IRF2: variants seen among roughly 807,000 people sequenced by gnomAD.
IRF2 encodes the protein interferon regulatory factor 2.
Under a neutral mutation model 40.6 loss-of-function variants are expected in IRF2, and 15 were observed. That is an observed-to-expected ratio of 0.37 (90% confidence interval 0.25 to 0.57). The LOEUF (loss-of-function observed/expected upper bound fraction) is 0.57. Ranked by LOEUF, IRF2 falls within the 20% of genes least tolerant of loss-of-function variation. The pLI, the probability that IRF2 is intolerant of heterozygous loss-of-function variation, is 0.77. For missense variants in IRF2, 317 were observed against 455.7 expected, an observed-to-expected ratio of 0.70 and a Z score of 2.77; for synonymous variants, 151 against 165.5, an observed-to-expected ratio of 0.91 and a Z score of 0.67.
At chr4:184,397,531 G>GAAA (rs555947750) in intron 7 of IRF2, among the ~76,000 whole-genome samples, 2 of 147,074 alleles carry the variant, frequency 1.4e-5, no homozygotes, top group Non-Finnish European at 1.5e-5. Context: ...TTTTAAAAGT[G>GAAA]AAAAAAAAAA....
rs914206026 is a variant in IRF2, at chr4:184,408,904, A to G, written c.412-629T>C. Among the ~76,000 whole-genome samples, 4 of 152,232 alleles carry G rather than the reference A, an allele frequency of 2.6e-5. No homozygotes were observed. The highest frequency in any genetic ancestry group is 7.2e-5 in the African/African-American group (3 of 41,452). On this transcript the variant is annotated intron_variant, in intron 5 of 8. Transcript: ENST00000393593. The surrounding 1 kb of genome is among the most constrained non-coding windows in gnomAD (Gnocchi z 4.9). ...ACATAAATGCCCTTCAGGTGGCTGA[A>G]TATCTCATCCAGCCCAAGAATTCTG...
At chr4:184,472,566 G>C (rs561011156) in intron 1 of IRF2, 1 of 152,264 alleles carries the variant, frequency 6.6e-6, no homozygotes, top group Non-Finnish European at 1.5e-5. Context: ...GCCATAAGGA[G>C]GCCGGTGGCT....
intron 1 of IRF2, chr4:184,431,891 C>G (rs1260219620): frequency 6.6e-6 from 1 of 151,164 alleles, no homozygotes; most frequent in East Asian, 1.9e-4. Context: ...ATGGTCACAT[C>G]TGAAATAGTT....
intron 8 of IRF2, 91 bp from the exon 9 acceptor site, chr4:184,389,157 T>G (rs1736160681): frequency 3.9e-6 from 5 of 1,285,886 alleles, no homozygotes; most frequent in Non-Finnish European, 2.2e-6. Context: ...TGGTGGCTCA[T>G]GCCTGTAATC....
Position 184,388,698 on chromosome 4 carries a change from A to G in IRF2, c.*60T>C. 1 of 1,524,574 alleles carries G rather than the reference A, an allele frequency of 6.6e-7. No individual in the cohort carries two copies. Among genetic ancestry groups the G allele is most frequent in the Non-Finnish European group, 8.9e-7 (1 of 1,127,268 alleles). The allele number at this position is 1,524,574 out of a possible 1,614,324, so 94.4% of individuals were successfully genotyped here. A position where few individuals can be genotyped will look rare whatever the true frequency, so the allele number is the denominator to read the frequency against. On this transcript the variant is annotated 3_prime_UTR_variant, in exon 9 of 9. Coordinates refer to ENST00000393593, the MANE Select transcript of IRF2 (RefSeq NM_002199.4). This position sits in a 1 kb window ranked among gnomAD's most constrained non-coding sequence, Gnocchi z 4.6. ...GGTGTCAGAGAGAAAAAAATAAAAT[A>G]CAAACAAACAACAAAACAAAGCCAA... is the stretch of plus-strand genomic sequence containing the variant.
chr4:184,402,689 G>A (rs747823698), intron 6 of IRF2, among the ~76,000 whole-genome samples: 26 of 152,174 alleles, frequency 1.7e-4, no homozygotes, highest in Non-Finnish European at 3.4e-4. Context: ...AATACGGGAC[G>A]TGACAATTAA....
intron 1 of IRF2, among the ~76,000 whole-genome samples, chr4:184,437,680 C>A (rs1019533064): frequency 1.3e-5 from 2 of 152,168 alleles, no homozygotes; most frequent in African/African-American, 4.8e-5. Flanking sequence ...CTTGTTTACG[C>A]AGGCTGCTAT....
At chr4:184,414,216 T>C (rs1737180491) in intron 5 of IRF2, among the ~76,000 whole-genome samples, 1 of 152,260 alleles carries the variant, frequency 6.6e-6, no homozygotes. Context: ...CCCCTCTGTT[T>C]TAACTACTTC....
intron 1 of IRF2, chr4:184,472,074 G>T (rs1472035792): frequency 6.6e-6 from 1 of 152,154 alleles, no homozygotes; most frequent in Non-Finnish European, 1.5e-5. Context: ...GTGAAATTCC[G>T]GACTTTGACA....
chr4:184,438,677 G>A (rs192527251), intron 1 of IRF2, among the ~76,000 whole-genome samples: 8 of 152,266 alleles, frequency 5.3e-5, no homozygotes, highest in East Asian at 1.9e-4. Flanking sequence ...GATCACAGGC[G>A]TGAGCCCCGC....
rs532657021 is a variant in IRF2 at position 184,415,084 on chromosome 4, G to C, written c.411+3083C>G. On this transcript the variant is annotated intron_variant, in intron 5 of 8. Transcript: ENST00000393593. The stretch of plus-strand genomic sequence containing the variant: ...TTCAAACACTCTACAGAGACACTGA[G>C]TCCACACAATAGCTTGAACAGCCAG... Among the ~76,000 whole-genome samples the C allele has an allele frequency of 3.7e-4, 56 of 152,280 alleles. No homozygotes were observed. The South Asian group carries it at 5.0e-3, about 14-fold the overall frequency.
intron 1 of IRF2, among the ~76,000 whole-genome samples, chr4:184,457,352 T>C (rs943473974): frequency 6.6e-6 from 1 of 152,152 alleles, no homozygotes; most frequent in Admixed American, 6.5e-5. Context: ...AGCCCTTCTG[T>C]GGCCCGGCGT....
At chr4:184,421,864 T>C (rs1204819146) in intron 2 of IRF2, among the ~76,000 whole-genome samples, 1 of 152,126 alleles carries the variant, frequency 6.6e-6, no homozygotes, top group Middle Eastern at 3.2e-3. Context: ...TAGACTGGAA[T>C]AGTTCAGGTG....
In IRF2 at chr4:184,413,332, G is replaced by A. The variant is rs62337749; in HGVS notation, c.411+4835C>T. ...TCTTCCAACTGGGTTCGGAGCTCCC[G>A]TTCTGAGCTACCACATGGGAAGGGA... On this transcript the variant is annotated intron_variant, in intron 5 of 8. Transcript: ENST00000393593. This position sits in a 1 kb window ranked among gnomAD's most constrained non-coding sequence, Gnocchi z 4.2. Among the ~76,000 whole-genome samples the A allele has an allele frequency of 0.1, 15,426 of 152,228 alleles. 966 individuals carry two copies. The highest frequency in any genetic ancestry group is 0.14 in the South Asian group (699 of 4,824).
chr4:184,412,560 G>C (rs1159882733), intron 5 of IRF2, among the ~76,000 whole-genome samples: 1 of 152,200 alleles, frequency 6.6e-6, no homozygotes, highest in African/African-American at 2.4e-5. Context: ...TCTGCTAACA[G>C]AACGTGTAGG....
chr4:184,452,645 C>T (rs1430075555), intron 1 of IRF2, among the ~76,000 whole-genome samples: 3 of 151,692 alleles, frequency 2.0e-5, no homozygotes, highest in African/African-American at 4.9e-5. Flanking sequence ...GTGGCTCACA[C>T]CTGTAATCCC....
chr4:184,468,227 C>T (rs529274860), intron 1 of IRF2, among the ~76,000 whole-genome samples: 64 of 152,324 alleles, frequency 4.2e-4, no homozygotes, highest in African/African-American at 1.4e-3. Flanking sequence ...GTGGCTCACA[C>T]CTGTAATCCG....
At chr4:184,397,346 GAA>G (rs1486894023) in intron 7 of IRF2, among the ~76,000 whole-genome samples, 1 of 152,180 alleles carries the variant, frequency 6.6e-6, no homozygotes, top group African/African-American at 2.4e-5. Flanking sequence ...GTGGAGGAGG[GAA>G]AAGAGGACTT....
chr4:184,388,789 T>C lies in IRF2; in HGVS notation c.1019A>G (p.Asp340Gly). ...GCTCTTGACGCGGGCCTGGGTGATATCCGATGTTTTCTTGATGACGCTGGC... is the reference window on the plus strand; with the variant it reads ...GCTCTTGACGCGGGCCTGGGTGATACCCGATGTTTTCTTGATGACGCTGGC... The part of the protein sequence containing the change: ...TRASVIKKTS[D>G]ITQARVKSC Residue 340 changes from aspartate (D) to glycine (G), a missense_variant, in exon 9 of 9, where the codon GAT becomes GGT. Asp to Gly is a moderately conservative substitution (Grantham distance 94). This residue lies in a region of IRF2 where 262 missense variants were observed against 334.0 expected (regional missense o/e 0.78). Coordinates refer to ENST00000393593, the MANE Select transcript of IRF2 (RefSeq NM_002199.4). This position sits in a 1 kb window ranked among gnomAD's most constrained non-coding sequence, Gnocchi z 4.6. 6.2e-7 allele frequency: 1 copy of C among 1,613,008 alleles called. No homozygotes were observed. Among genetic ancestry groups the C allele is most frequent in the Non-Finnish European group, 8.5e-7 (1 of 1,179,966 alleles).
Sources: gnomAD v4.1 joint callset for allele counts (sites outside exome capture counted in the v4.1 genomes callset) on GRCh38, gnomAD v4.1.1 for gene constraint, gnomAD v4.1.1 regional missense constraint, Gnocchi (gnomAD v3.1) non-coding constraint, MANE v1.5 for transcripts, NCBI Gene and HGNC (gene_info 2026-07-23, HGNC 2026-07-21) for gene names.